Variants in ANO2 observed in about 807,000 individuals in gnomAD.
ANO2 encodes anoctamin 2.
In ANO2, 101 loss-of-function variants were observed where a neutral mutation model predicts 124.2. The observed-to-expected ratio is 0.81, with a 90% CI of 0.69 to 0.96. The LOEUF is 0.96. Among genes scored for constraint, ANO2 ranks in the 40% least tolerant of loss-of-function variants. The pLI is 0.00. For synonymous variants in ANO2, 486 were observed against 482.5 expected, an observed-to-expected ratio of 1.01 and a Z score of -0.09; for missense variants, 1,293 against 1,274.5, an observed-to-expected ratio of 1.01 and a Z score of -0.22.
chr12:5,576,487 G>GCTTAA (rs1456751359), intron 22 of ANO2, among the ~76,000 whole-genome samples: 1 of 152,178 alleles, frequency 6.6e-6, no homozygotes, highest in African/African-American at 2.4e-5. Context: ...TCCACAGTTT[G>GCTTAA]CTTAATTTGA....
At chr12:5,875,476 C>T (rs1938030589) in intron 3 of ANO2, among the ~76,000 whole-genome samples, 1 of 152,240 alleles carries the variant, frequency 6.6e-6, no homozygotes, top group African/African-American at 2.4e-5. Flanking sequence ...TGGATCCATT[C>T]CTCCATCTCC....
chr12:5,605,837 T>C (rs550949357), intron 19 of ANO2, among the ~76,000 whole-genome samples: 65 of 152,166 alleles, frequency 4.3e-4, no homozygotes, highest in Non-Finnish European at 8.1e-4. Context: ...CTGCTCGCCA[T>C]GTATGAAGTA....
chr12:5,791,374 G>C (rs1358745364), intron 10 of ANO2, among the ~76,000 whole-genome samples: 1 of 152,160 alleles, frequency 6.6e-6, no homozygotes, highest in African/African-American at 2.4e-5. Context: ...GAGGCCCTGA[G>C]AGTGATATTT....
chr12:5,665,596 T>C (rs544691831), intron 14 of ANO2, among the ~76,000 whole-genome samples: 1 of 152,302 alleles, frequency 6.6e-6, no homozygotes, highest in South Asian at 2.1e-4. Context: ...TCTCCCCACC[T>C]GGAGCCAGGA....
chr12:5,921,322 C>G lies in ANO2; in HGVS notation c.252G>C (p.Glu84Asp). Reference protein sequence around the residue: ...YLDANEPVSLEARLSRMHFHD... With the variant: ...YLDANEPVSLDARLSRMHFHD... ...GGAAGTGCATGCGGCTAAGACGGGC[C>G]TCCAAGGACACAGGCTCATTGGCAT... The change falls in exon 3 of 25, where the codon GAG becomes GAC. Residue 84 changes from glutamate (E) to aspartate (D), a missense_variant. Coordinates refer to ENST00000682330, the MANE Select transcript of ANO2 (RefSeq NM_001364791.2). 6.2e-7 allele frequency: 1 copy of G among 1,613,958 alleles called. No individual in the cohort carries two copies. The highest frequency in any genetic ancestry group is 1.3e-5 in the African/African-American group (1 of 75,024).
chr12:5,645,302 T>A (rs1280703091), intron 15 of ANO2, among the ~76,000 whole-genome samples: 1 of 152,148 alleles, frequency 6.6e-6, no homozygotes, highest in Admixed American at 6.5e-5. Flanking sequence ...GGCAGGAGAA[T>A]CGCTTGAACC....
rs192724796 is a variant in ANO2, at chr12:5,725,079, C to T, written c.1545+7441G>A. 1.7e-3 allele frequency among the ~76,000 whole-genome samples: 233 copies of T among 136,100 alleles called. 2 individuals are homozygous for T. Among genetic ancestry groups the T allele is most frequent in the African/African-American group, 6.3e-3 (227 of 36,108 alleles). 89.3% of individuals were successfully genotyped at this position (136,100 alleles called of 152,430 possible). On this transcript the variant is annotated intron_variant, in intron 14 of 24. Coordinates refer to ENST00000682330, the MANE Select transcript of ANO2 (RefSeq NM_001364791.2). ...ATGACACCATCACTCAGACATGGTC[C>T]CTCTCCTTGTCTCCCTCTCACACAC... is the stretch of plus-strand genomic sequence containing the variant.
At chr12:5,605,871 A>G (rs78529422) in intron 19 of ANO2, among the ~76,000 whole-genome samples, 1 of 152,124 alleles carries the variant, frequency 6.6e-6, no homozygotes, top group Non-Finnish European at 1.5e-5. Context: ...ATGCGTATGA[A>G]CATCATCCTG....
At chr12:5,581,401 C>A (rs554942601) in intron 20 of ANO2, among the ~76,000 whole-genome samples, 4 of 152,132 alleles carry the variant, frequency 2.6e-5, no homozygotes, top group African/African-American at 9.7e-5. Context: ...ACACAGCATG[C>A]CCTCACCACA....
chr12:5,769,838 C>T lies in ANO2; in HGVS notation c.1056-18868G>A, dbSNP rs1952017576. On this transcript the variant is annotated intron_variant, in intron 10 of 24. Transcript: ENST00000682330. This position sits in a 1 kb window ranked among gnomAD's most constrained non-coding sequence, Gnocchi z 4.0. ...TGCAAACAAATGGCTTGTGAAGGGT[C>T]CTTTCCCTGGGTATTATACACAGCC... Among the ~76,000 whole-genome samples the T allele has an allele frequency of 6.6e-6, 1 of 152,096 alleles. No homozygotes were observed. Among genetic ancestry groups the T allele is most frequent in the Admixed American group, 6.5e-5 (1 of 15,278 alleles).
intron 4 of ANO2, among the ~76,000 whole-genome samples, chr12:5,848,311 C>T (rs1954750109): frequency 6.6e-6 from 1 of 152,144 alleles, no homozygotes; most frequent in Non-Finnish European, 1.5e-5. Flanking sequence ...ATCCATCACC[C>T]TTATTTTTAG....
intron 16 of ANO2, among the ~76,000 whole-genome samples, chr12:5,617,813 C>T (rs1420037484): frequency 6.6e-6 from 1 of 152,240 alleles, no homozygotes; most frequent in East Asian, 1.9e-4. Flanking sequence ...ATGCCTTCAG[C>T]AGGTAGTTAT....
intron 14 of ANO2, among the ~76,000 whole-genome samples, chr12:5,663,495 C>G (rs747341421): frequency 2.0e-5 from 3 of 152,162 alleles, no homozygotes; most frequent in Non-Finnish European, 2.9e-5. Flanking sequence ...CATTGGAGAG[C>G]AGACTGAATG....
rs887772589 is a variant in ANO2 at position 5,887,685 on chromosome 12, G to C, written c.534+33355C>G. 5.3e-5 allele frequency among the ~76,000 whole-genome samples: 8 copies of C among 152,232 alleles called. No individual in the cohort carries two copies. The East Asian group carries it at 1.5e-3, about 29-fold the overall frequency. ...AGAAGGAAGGAGAGAGAGAAGGATG[G>C]AGACCCTTGGGAAGGAAGCAGAGAA... On this transcript the variant is annotated intron_variant, in intron 3 of 24. Coordinates refer to ENST00000682330, the MANE Select transcript of ANO2 (RefSeq NM_001364791.2).
intron 10 of ANO2, among the ~76,000 whole-genome samples, chr12:5,781,406 G>C (rs772021447): frequency 1.3e-5 from 2 of 152,194 alleles, no homozygotes; most frequent in Non-Finnish European, 2.9e-5. Context: ...ATGGCCCTGT[G>C]CCTAGCTGAG....
intron 3 of ANO2, among the ~76,000 whole-genome samples, chr12:5,869,842 A>G (rs138012826): frequency 6.6e-6 from 1 of 152,140 alleles, no homozygotes; most frequent in South Asian, 2.1e-4. Flanking sequence ...CAAAACCAAT[A>G]ATCATGATAA....
intron 9 of ANO2, among the ~76,000 whole-genome samples, chr12:5,801,355 C>A (rs560842524): frequency 6.6e-6 from 1 of 152,296 alleles, no homozygotes; most frequent in Non-Finnish European, 1.5e-5. Flanking sequence ...TCAATATCGG[C>A]ATTTTATTAG....
Position 5,578,032 on chromosome 12 carries a change from T to A in ANO2, c.2387-25A>T, listed in dbSNP as rs764690149. Reference sequence around the variant, plus strand: ...CCTACAAGACAGAAAAGACAGCGTCTGGCTCACTCCCGCCCTCGGCCCAGT... The same window carrying A: ...CCTACAAGACAGAAAAGACAGCGTCAGGCTCACTCCCGCCCTCGGCCCAGT... On this transcript the variant is annotated intron_variant, in intron 21 of 24. Coordinates refer to ENST00000682330, the MANE Select transcript of ANO2 (RefSeq NM_001364791.2). 1.9e-6 allele frequency: 3 copies of A among 1,612,188 alleles called. No homozygotes were observed. In the South Asian group the frequency reaches 3.3e-5, roughly 18 times the overall value.
chr12:5,647,318 T>C (rs558142555), intron 15 of ANO2, among the ~76,000 whole-genome samples: 1 of 152,244 alleles, frequency 6.6e-6, no homozygotes, highest in African/African-American at 2.4e-5. Context: ...CGCAAGGAAA[T>C]AAACCCAGCA....
Sources: gnomAD v4.1 joint callset for allele counts (sites outside exome capture counted in the v4.1 genomes callset) on GRCh38, gnomAD v4.1.1 for gene constraint, Gnocchi (gnomAD v3.1) non-coding constraint, MANE v1.5 for transcripts, NCBI Gene and HGNC (gene_info 2026-07-23, HGNC 2026-07-21) for gene names.